Variants in CSTF3 observed in about 807,000 individuals in gnomAD.
CSTF3 encodes the protein cleavage stimulation factor subunit 3.
A neutral mutation model predicts 105.8 loss-of-function variants in CSTF3; 29 were observed. The observed-to-expected ratio is 0.27, with a 90% CI of 0.20 to 0.37. The LOEUF (loss-of-function observed/expected upper bound fraction) is 0.37. Ranked by LOEUF, CSTF3 falls within the 10% of genes least tolerant of loss-of-function variation. The pLI is 1.00. For synonymous variants in CSTF3, 252 were observed against 281.9 expected, an observed-to-expected ratio of 0.89 and a Z score of 1.06; for missense variants, 357 against 879.3, an observed-to-expected ratio of 0.41 and a Z score of 7.51.
At chr11:33,159,713 T>A (rs532846775) in intron 1 of CSTF3, among the ~76,000 whole-genome samples, 1 of 151,412 alleles carries the variant, frequency 6.6e-6, no homozygotes, top group African/African-American at 2.4e-5. Flanking sequence ...GTCGAAGCTA[T>A]GGTGAGCTGT....
chr11:33,130,845 AAAC>A (rs761680564), intron 3 of CSTF3, among the ~76,000 whole-genome samples: 1 of 152,180 alleles, frequency 6.6e-6, no homozygotes, highest in African/African-American at 2.4e-5. Context: ...TCTCTACCAA[AAAC>A]AACAACCAAC....
At chr11:33,105,508 A>G in intron 8 of CSTF3, 59 bp downstream of exon 8, 1 of 1,457,050 alleles carries the variant, frequency 6.9e-7, no homozygotes, top group Non-Finnish European at 9.3e-7. Context: ...ACAAATCCAC[A>G]ATGCATAGAA....
chr11:33,102,010 G>A (rs903652969), intron 10 of CSTF3, among the ~76,000 whole-genome samples, 167 bp downstream of exon 10: 1 of 152,118 alleles, frequency 6.6e-6, no homozygotes, highest in Non-Finnish European at 1.5e-5. Context: ...GACTGCATAT[G>A]ATGAAAACAA....
chr11:33,134,302 T>C (rs1311190744), intron 3 of CSTF3: 1 of 152,242 alleles, frequency 6.6e-6, no homozygotes, highest in Non-Finnish European at 1.5e-5. Context: ...TTAAACCATG[T>C]GATCTGCCGT....
chr11:33,155,539 A>G (rs1849853781), intron 1 of CSTF3, among the ~76,000 whole-genome samples: 1 of 152,186 alleles, frequency 6.6e-6, no homozygotes, highest in African/African-American at 2.4e-5. Context: ...AAAAGATGAG[A>G]CTTCTTTCAA....
In CSTF3 at chr11:33,096,402, AT is replaced by A; in HGVS notation, c.1278del (p.Lys426AsnfsTer12). ...AGCTCAAAAATCTTAAAGGCAACAG[AT>A]TTGTCCTACAAGTAAAGAAAGTAAA... ...ALMEYYCSKDKSVAFKIFELG... is the reference protein window; with the variant it reads ...ALMEYYCSKDXSVAFKIFELG... On this transcript the variant is annotated frameshift_variant, in exon 15 of 21. Transcript: ENST00000323959. LOFTEE classifies it high-confidence loss of function. 1 of 1,588,822 alleles carries A rather than the reference AT, an allele frequency of 6.3e-7. No homozygotes were observed. Among genetic ancestry groups the A allele is most frequent in the Non-Finnish European group, 8.5e-7 (1 of 1,170,210 alleles).
chr11:33,113,639 T>C (rs1855402471), intron 3 of CSTF3, among the ~76,000 whole-genome samples: 1 of 152,222 alleles, frequency 6.6e-6, no homozygotes, highest in African/African-American at 2.4e-5. Context: ...ATATGAAAAG[T>C]GTCTATTGAG....
intron 5 of CSTF3, among the ~76,000 whole-genome samples, chr11:33,106,686 G>A (rs796631771): frequency 1.8e-4 from 27 of 152,144 alleles, no homozygotes; most frequent in East Asian, 5.8e-4. Context: ...ATATAAAGTC[G>A]TTCTTTGATG....
intron 3 of CSTF3, among the ~76,000 whole-genome samples, chr11:33,127,952 T>C (rs1004580943): frequency 1.3e-5 from 2 of 152,194 alleles, no homozygotes; most frequent in African/African-American, 4.8e-5. Flanking sequence ...CTTAAATATT[T>C]ATCCAAAAGG....
intron 10 of CSTF3, 87 bp downstream of exon 10, chr11:33,102,090 G>A: frequency 3.1e-6 from 3 of 978,658 alleles, no homozygotes; most frequent in Non-Finnish European, 4.6e-6. Context: ...AAAAAGATTA[G>A]GGGTAAGAAA....
At chr11:33,104,108 T>C (rs1344716008) in intron 8 of CSTF3, among the ~76,000 whole-genome samples, 1 of 152,198 alleles carries the variant, frequency 6.6e-6, no homozygotes. Context: ...ATTACAGGCA[T>C]TAGCCATCAC....
At chr11:33,100,311 C>T (rs976716563) in intron 10 of CSTF3, among the ~76,000 whole-genome samples, 1 of 149,700 alleles carries the variant, frequency 6.7e-6, no homozygotes, top group Non-Finnish European at 1.5e-5. Context: ...GTGGAGATCA[C>T]GCCACTGCAC....
At position 33,161,347 on chromosome 11, in the gene CSTF3, G is replaced by C. The variant is rs368718206; in HGVS notation, c.-22C>G. The C allele has an allele frequency of 1.2e-5, 19 of 1,611,926 alleles. No homozygotes were observed. The highest frequency in any genetic ancestry group is 1.5e-5 in the Non-Finnish European group (18 of 1,179,926). On this transcript the variant is annotated 5_prime_UTR_variant, in exon 1 of 21. Transcript: ENST00000323959. ...ACATGGCCTCAGCTGATTACAACGT[G>C]CGCACTGACCGTCGATGGGAAGCTA...
intron 9 of CSTF3, 85 bp from the exon 10 acceptor site, chr11:33,102,424 G>T: frequency 8.2e-7 from 1 of 1,214,554 alleles, no homozygotes; most frequent in Non-Finnish European, 1.2e-6. Context: ...TTGGAAGACT[G>T]TTCAAGATGC....
rs149675279 is a variant in CSTF3 at position 33,130,243 on chromosome 11, C to T, written c.225+11424G>A. On this transcript the variant is annotated intron_variant, in intron 3 of 20. Coordinates refer to ENST00000323959, the MANE Select transcript of CSTF3 (RefSeq NM_001326.3). ...ATCCCAGCATTTTCGGAGGCCTAGG[C>T]GGGTGGATCACCAGAGGTCAGGAGT... is the stretch of plus-strand genomic sequence containing the variant. 2.6e-4 allele frequency among the ~76,000 whole-genome samples: 40 copies of T among 152,192 alleles called. No homozygotes were observed. The East Asian group carries it at 3.3e-3, about 12-fold the overall frequency.
intron 3 of CSTF3, among the ~76,000 whole-genome samples, chr11:33,121,670 G>A (rs1273592465): frequency 6.6e-6 from 1 of 152,112 alleles, no homozygotes; most frequent in African/African-American, 2.4e-5. Flanking sequence ...GACCCTTATG[G>A]TGCTGTCATT....
In CSTF3 at chr11:33,099,802, G is replaced by C. The variant is rs1437548660; in HGVS notation, c.827-85C>G. ...CAATGTAAATATCATAACCAAATTA[G>C]GCTCCTCAAAAATTAATGATAATTA... On this transcript the variant is annotated intron_variant, in intron 10 of 20. Transcript: ENST00000323959. This position sits in a 1 kb window ranked among gnomAD's most constrained non-coding sequence, Gnocchi z 4.1. The C allele has an allele frequency of 3.8e-6, 3 of 795,486 alleles. No individual in the cohort carries two copies. The highest frequency in any genetic ancestry group is 7.2e-5 in the Admixed American group (2 of 27,718). 49.3% of individuals were successfully genotyped at this position (795,486 alleles called of 1,614,324 possible).
chr11:33,127,211 T>G (rs1855552675), intron 3 of CSTF3, among the ~76,000 whole-genome samples: 1 of 152,170 alleles, frequency 6.6e-6, no homozygotes, highest in Non-Finnish European at 1.5e-5. Flanking sequence ...TTTTTATACT[T>G]GTGGGTATCC....
chr11:33,145,421 G>A lies in CSTF3; in HGVS notation c.28-3435C>T, dbSNP rs144216729. On this transcript the variant is annotated intron_variant, in intron 1 of 20. Coordinates refer to ENST00000323959, the MANE Select transcript of CSTF3 (RefSeq NM_001326.3). ...AAACTGGGTGACAGGGCAAGACTCT[G>A]TGTCAAAAAAACATTTTTTAATAAA... is the stretch of plus-strand genomic sequence containing the variant. Among the ~76,000 whole-genome samples, 1,355 of 152,024 alleles carry A rather than the reference G, an allele frequency of 8.9e-3. 5 individuals are homozygous for A. The highest frequency in any genetic ancestry group is 0.013 in the Non-Finnish European group (881 of 68,002).
Sources: allele counts gnomAD v4.1 joint callset (sites outside exome capture counted in the v4.1 genomes callset), GRCh38; gene constraint gnomAD v4.1.1; non-coding constraint Gnocchi (gnomAD v3.1); transcripts MANE v1.5; gene names NCBI Gene and HGNC (gene_info 2026-07-23, HGNC 2026-07-21).